The following CTSD variants were observed in gnomAD, a reference collection of about 807,000 sequenced individuals.
CTSD encodes the protein ceroid-lipofuscinosis, neuronal 10.
CTSD carries 28 observed loss-of-function variants against 43.6 expected under a neutral mutation model. The observed-to-expected ratio is 0.64, with a 90% CI of 0.48 to 0.88. The LOEUF is 0.88. CTSD is among the 40% of genes least tolerant of loss of function. CTSD has a pLI of 0.00. For missense variants in CTSD, 485 were observed against 555.2 expected, an observed-to-expected ratio of 0.87 and a Z score of 1.27; for synonymous variants, 270 against 249.8, an observed-to-expected ratio of 1.08 and a Z score of -0.76.
At chr11:1,757,901 C>A (rs1845829410) in intron 4 of CTSD, 2 of 394,236 alleles carry the variant, frequency 5.1e-6, no homozygotes, top group Admixed American at 3.8e-5. Flanking sequence ...GCGCTGGGAA[C>A]AAGACACAGC....
At chr11:1,755,576 G>A (rs1020944154) in intron 5 of CTSD, among the ~76,000 whole-genome samples, 1 of 152,150 alleles carries the variant, frequency 6.6e-6, no homozygotes, top group African/African-American at 2.4e-5. Flanking sequence ...TCCTGGGCAG[G>A]AGCGCACTGC....
chr11:1,761,639 G>C (rs962870714), intron 1 of CTSD, 171 bp from the exon 2 acceptor site: 5 of 741,792 alleles, frequency 6.7e-6, no homozygotes, highest in Non-Finnish European at 1.2e-5. Flanking sequence ...CCAAGTCAGT[G>C]AATGGCAACC....
intron 3 of CTSD, 108 bp from the exon 4 acceptor site, chr11:1,759,195 C>T: frequency 2.0e-6 from 2 of 986,376 alleles, no homozygotes; most frequent in East Asian, 2.4e-5. Flanking sequence ...CCCCAAGCTG[C>T]CTCCCCAGGG....
At chr11:1,753,781 C>A (rs745578826) in intron 8 of CTSD, 22 bp downstream of exon 8, 1 of 1,610,618 alleles carries the variant, frequency 6.2e-7, no homozygotes, top group African/African-American at 1.3e-5. Context: ...CTGGGGCGTG[C>A]GGCACCCCAT....
At chr11:1,757,675 A>G in intron 4 of CTSD, 119 bp from the exon 5 acceptor site, 1 of 841,702 alleles carries the variant, frequency 1.2e-6, no homozygotes, top group South Asian at 1.5e-5. Flanking sequence ...TGGGGCCCAG[A>G]GGGCCCAGAA....
intron 3 of CTSD, 136 bp downstream of exon 3, chr11:1,759,380 C>T (rs1590907448): frequency 7.6e-7 from 1 of 1,309,828 alleles, no homozygotes; most frequent in Non-Finnish European, 1.1e-6. Flanking sequence ...GTGGCTGGAG[C>T]AGGGTGGAGG....
In CTSD at chr11:1,762,200, G is replaced by GC. The variant is rs1038606377; in HGVS notation, c.69-733dup. 5.5e-3 allele frequency: 850 copies of GC among 153,408 alleles called. 8 individuals carry two copies. The highest frequency in any genetic ancestry group is 0.019 in the African/African-American group (780 of 41,402). The allele number at this position is 153,408 out of a possible 1,614,324, so 9.5% of individuals were successfully genotyped here. On this transcript the variant is annotated intron_variant, in intron 1 of 8. Coordinates refer to ENST00000236671, the MANE Select transcript of CTSD (RefSeq NM_001909.5). The stretch of plus-strand genomic sequence containing the variant: ...CTGGGGCCTTAGAGGCTTCTGTGCT[G>GC]CCCCCCCCACCGCCCTGCCTCCTCC...
chr11:1,761,815 CCTGCG>C (rs1439260678), intron 1 of CTSD: 3 of 402,374 alleles, frequency 7.5e-6, no homozygotes, highest in Non-Finnish European at 9.5e-6. Flanking sequence ...TCCCTCTGCA[CCTGCG>C]CTGGTCTCTT....
chr11:1,763,864 G>T lies in CTSD; in HGVS notation c.-5C>A. The T allele has an allele frequency of 6.6e-7, 1 of 1,523,232 alleles. No individual in the cohort carries two copies. 94.4% of individuals were successfully genotyped at this position (1,523,232 alleles called of 1,614,324 possible). ...CAGAAGGCTGGAGGGCTGCATGGCGGCGGCGGCCGGGTCGGAGAGGGTCGC... is the reference window on the plus strand; with the variant it reads ...CAGAAGGCTGGAGGGCTGCATGGCGTCGGCGGCCGGGTCGGAGAGGGTCGC... On this transcript the variant is annotated 5_prime_UTR_variant, in exon 1 of 9. Transcript: ENST00000236671.
chr11:1,758,853 G>A (rs1398326154), intron 4 of CTSD, 116 bp downstream of exon 4: 7 of 821,210 alleles, frequency 8.5e-6, no homozygotes, highest in Admixed American at 6.8e-5. Context: ...CCGGCCACCT[G>A]AGGGCTGGGG....
chr11:1,755,387 G>GA (rs1205082952), intron 5 of CTSD: 4 of 366,960 alleles, frequency 1.1e-5, no homozygotes, highest in South Asian at 6.8e-5. Flanking sequence ...CTGTCTGGAA[G>GA]AAAAAACCAA....
chr11:1,758,488 C>T (rs899291856), intron 4 of CTSD, among the ~76,000 whole-genome samples: 1 of 152,020 alleles, frequency 6.6e-6, no homozygotes, highest in African/African-American at 2.4e-5. Flanking sequence ...GCAGGCGGGG[C>T]CCCCAACAGC....
chr11:1,753,857 T>C lies in CTSD; in HGVS notation c.1017A>G (p.Thr339=), dbSNP rs1845760192. The C allele has an allele frequency of 1.2e-6, 2 of 1,613,664 alleles. No individual in the cohort carries two copies. The highest frequency in any genetic ancestry group is 1.7e-6 in the Non-Finnish European group (2 of 1,179,738). ...TGTAGCCTTTGCCTCCCAGCTTCAGTGTGATCGCGGGCAGGGTGGACACCT... is the reference window on the plus strand; with the variant it reads ...TGTAGCCTTTGCCTCCCAGCTTCAGCGTGATCGCGGGCAGGGTGGACACCT... The part of the protein sequence containing the change: ...CEKVSTLPAI[T]LKLGGKGYKL... The change falls in exon 8 of 9, where the codon ACA becomes ACG. Residue 339 remains threonine (T), a synonymous_variant. Coordinates refer to ENST00000236671, the MANE Select transcript of CTSD (RefSeq NM_001909.5).
rs1554962634 is a variant in CTSD at position 1,757,462 on chromosome 11, G to A, written c.566C>T (p.Thr189Ile). Residue 189 changes from threonine to isoleucine, a missense_variant, in exon 5 of 9, where the codon ACC (threonine) becomes ATC (isoleucine). Thr to Ile is a moderately conservative substitution (Grantham distance 89, BLOSUM62 -1). Coordinates refer to ENST00000236671, the MANE Select transcript of CTSD (RefSeq NM_001909.5). The part of the protein sequence containing the change: ...FGEATKQPGI[T>I]FIAAKFDGIL... ...GCCATCGAACTTGGCTGCGATGAAG[G>A]TGATGCCTGGCTGCTTGGTGGCCTC... 1 of 1,614,122 alleles carries A rather than the reference G, an allele frequency of 6.2e-7. No individual in the cohort carries two copies. Among genetic ancestry groups the A allele is most frequent in the Non-Finnish European group, 8.5e-7 (1 of 1,180,034 alleles).
chr11:1,753,892 G>C lies in CTSD; in HGVS notation c.982C>G (p.Pro328Ala), dbSNP rs796052397. ...VPLIQGEYMI[P>A]CEKVSTLPAI... ...GGCAGGGTGGACACCTTCTCACAGGGGATCATGTACTAAGAGGGGTCACAG... is the reference window on the plus strand; with the variant it reads ...GGCAGGGTGGACACCTTCTCACAGGCGATCATGTACTAAGAGGGGTCACAG... The change falls in exon 8 of 9, where the codon CCC becomes GCC. Residue 328 changes from proline to alanine, a missense_variant. Coordinates refer to ENST00000236671, the MANE Select transcript of CTSD (RefSeq NM_001909.5). 22 of 1,613,340 alleles carry C rather than the reference G, an allele frequency of 1.4e-5. No homozygotes were observed. The highest frequency in any genetic ancestry group is 1.8e-5 in the Non-Finnish European group (21 of 1,179,626).
In CTSD at chr11:1,754,365, TG is replaced by T. The variant is rs1187716795; in HGVS notation, c.828-228del. The T allele has an allele frequency of 3.0e-5, 14 of 462,528 alleles. No homozygotes were observed. The African/African-American group carries it at 3.2e-4, about 11-fold the overall frequency. The allele number at this position is 462,528 out of a possible 1,614,324, so 28.7% of individuals were successfully genotyped here. On this transcript the variant is annotated intron_variant, in intron 6 of 8. Coordinates refer to ENST00000236671, the MANE Select transcript of CTSD (RefSeq NM_001909.5). ...GGTGGTGGTGAGGGGCATGGAGGGATGGAGGGGATGGAGGGGCATAGAGGGA... is the reference window on the plus strand; with the variant it reads ...GGTGGTGGTGAGGGGCATGGAGGGATGAGGGGATGGAGGGGCATAGAGGGA...
chr11:1,759,405 C>T (rs1473263981), intron 3 of CTSD, 111 bp downstream of exon 3: 12 of 1,503,962 alleles, frequency 8.0e-6, no homozygotes, highest in African/African-American at 4.1e-5. Context: ...GCCTGGCTCA[C>T]GGGGCCAAGA....
chr11:1,760,030 C>T (rs966343679), intron 2 of CTSD, among the ~76,000 whole-genome samples: 22 of 152,202 alleles, frequency 1.4e-4, no homozygotes, highest in Admixed American at 2.6e-4. Context: ...CCTGGTGGCC[C>T]GCAGTCCAAG....
Position 1,763,889 on chromosome 11 carries a change from C to G in CTSD, c.-30G>C, listed in dbSNP as rs937590868. ...GCGGCGGCCGGGTCGGAGAGGGTCGCCGAGGCCGTGCGCTTATAGCCGGGA... is the reference window on the plus strand; with the variant it reads ...GCGGCGGCCGGGTCGGAGAGGGTCGGCGAGGCCGTGCGCTTATAGCCGGGA... On this transcript the variant is annotated 5_prime_UTR_variant, in exon 1 of 9. Transcript: ENST00000236671. 4.9e-5 allele frequency: 74 copies of G among 1,515,790 alleles called. No individual in the cohort carries two copies. Among genetic ancestry groups the G allele is most frequent in the Non-Finnish European group, 6.3e-5 (72 of 1,136,796 alleles). The allele number at this position is 1,515,790 out of a possible 1,614,324, so 93.9% of individuals were successfully genotyped here. A position where few individuals can be genotyped will look rare whatever the true frequency, so the allele number is the denominator to read the frequency against.
Sources: gnomAD v4.1 joint callset for allele counts (sites outside exome capture counted in the v4.1 genomes callset) on GRCh38, gnomAD v4.1.1 for gene constraint, MANE v1.5 for transcripts, NCBI Gene and HGNC (gene_info 2026-07-23, HGNC 2026-07-21) for gene names.